FOXP1: variants seen among roughly 807,000 people sequenced by gnomAD.
FOXP1 encodes forkhead box P1.
A neutral mutation model predicts 98.2 loss-of-function variants in FOXP1; 15 were observed. That is an observed-to-expected ratio of 0.15 (90% CI 0.10 to 0.24). The LOEUF is 0.24. Among genes scored for constraint, FOXP1 ranks in the 10% least tolerant of loss-of-function variants. FOXP1 has a pLI of 1.00. For synonymous variants in FOXP1, 371 were observed against 314.5 expected (o/e 1.18, Z -1.90); for missense variants, 633 against 848.5 (o/e 0.75, Z 3.15).
chr3:71,078,366 G>A (rs1012048616), intron 7 of FOXP1, among the ~76,000 whole-genome samples: 7 of 152,098 alleles, frequency 4.6e-5, no homozygotes, highest in Admixed American at 1.3e-4. Context: ...ACCTCATCAC[G>A]TGCAAAAAGT....
intron 6 of FOXP1, among the ~76,000 whole-genome samples, chr3:71,178,755 G>A (rs1385480020): frequency 6.6e-6 from 1 of 151,880 alleles, no homozygotes; most frequent in Non-Finnish European, 1.5e-5. Flanking sequence ...AAGGTGGCAG[G>A]CGCCTGTAGT....
At chr3:71,264,359 T>C (rs948970966) in intron 5 of FOXP1, among the ~76,000 whole-genome samples, 1 of 152,124 alleles carries the variant, frequency 6.6e-6, no homozygotes, top group African/African-American at 2.4e-5. Flanking sequence ...AACACATGAA[T>C]TCACAAGACC....
chr3:71,032,737 T>C (rs988668198), intron 11 of FOXP1, among the ~76,000 whole-genome samples: 2 of 152,168 alleles, frequency 1.3e-5, no homozygotes, highest in African/African-American at 2.4e-5. Flanking sequence ...TTTGCAAATC[T>C]TGAAAAGGAA....
At chr3:71,443,194 C>T (rs1319950638) in intron 3 of FOXP1, among the ~76,000 whole-genome samples, 2 of 152,142 alleles carry the variant, frequency 1.3e-5, no homozygotes, top group Non-Finnish European at 2.9e-5. Flanking sequence ...ACGCCCGGCC[C>T]TTATTTTGTT....
At chr3:71,070,375 C>G (rs568982287) in intron 7 of FOXP1, among the ~76,000 whole-genome samples, 1 of 152,112 alleles carries the variant, frequency 6.6e-6, no homozygotes, top group Non-Finnish European at 1.5e-5. Context: ...GAGAGCATGT[C>G]GGCGCATTTT....
chr3:71,546,985 A>C (rs75351687), intron 2 of FOXP1, among the ~76,000 whole-genome samples: 59 of 152,334 alleles, frequency 3.9e-4, no homozygotes, highest in African/African-American at 1.4e-3. Flanking sequence ...GAAAGGAAGG[A>C]AGGCAATTGC....
At chr3:71,445,899 C>G (rs2086369042) in intron 3 of FOXP1, among the ~76,000 whole-genome samples, 1 of 152,154 alleles carries the variant, frequency 6.6e-6, no homozygotes, top group Non-Finnish European at 1.5e-5. Context: ...ATTGGCCAGT[C>G]TGGTCTCAAA....
At chr3:71,531,279 A>G (rs1329965793) in intron 2 of FOXP1, among the ~76,000 whole-genome samples, 3 of 152,234 alleles carry the variant, frequency 2.0e-5, no homozygotes, top group South Asian at 2.1e-4. Flanking sequence ...ACGCTGCCCA[A>G]GGTCACTCAG....
intron 20 of FOXP1, among the ~76,000 whole-genome samples, chr3:70,960,164 T>C (rs558413437): frequency 6.6e-6 from 1 of 152,284 alleles, no homozygotes; most frequent in Non-Finnish European, 1.5e-5. Flanking sequence ...ATATACATGC[T>C]TGAAACTCCA....
intron 4 of FOXP1, among the ~76,000 whole-genome samples, chr3:71,302,179 T>G (rs2073902463): frequency 6.6e-6 from 1 of 152,210 alleles, no homozygotes; most frequent in African/African-American, 2.4e-5. Flanking sequence ...CAGACATTTT[T>G]CTAGTTTTGC....
chr3:70,973,495 A>T (rs774158796), intron 17 of FOXP1, among the ~76,000 whole-genome samples: 8 of 152,146 alleles, frequency 5.3e-5, no homozygotes, highest in Admixed American at 1.3e-4. Context: ...AATTTATCAA[A>T]AAGGAGGATC....
intron 19 of FOXP1, among the ~76,000 whole-genome samples, chr3:70,967,697 T>TG (rs1329935781): frequency 8.6e-5 from 9 of 104,502 alleles, no homozygotes; most frequent in Non-Finnish European, 1.4e-4. Context: ...GTTTTTTTTT[T>TG]TTGTTTTTTT....
chr3:71,198,415 G>C (rs756466238), intron 5 of FOXP1, 23 bp from the exon 6 acceptor site: 9 of 945,562 alleles, frequency 9.5e-6, no homozygotes, highest in South Asian at 2.6e-5. Flanking sequence ...TTTCCAAGAT[G>C]GGGGGAGGGA....
At chr3:71,021,178 C>T (rs2045373870) in intron 11 of FOXP1, among the ~76,000 whole-genome samples, 1 of 152,162 alleles carries the variant, frequency 6.6e-6, no homozygotes. Flanking sequence ...AAATCCTGTA[C>T]CCATTAGCAG....
intron 2 of FOXP1, among the ~76,000 whole-genome samples, chr3:71,537,175 G>A (rs572287718): frequency 6.6e-6 from 1 of 152,182 alleles, no homozygotes; most frequent in South Asian, 2.1e-4. Context: ...CACTGCAGAC[G>A]GTTGAAATGA....
At chr3:71,484,251 C>T (rs944042362) in intron 3 of FOXP1, among the ~76,000 whole-genome samples, 4 of 152,146 alleles carry the variant, frequency 2.6e-5, no homozygotes, top group African/African-American at 9.7e-5. Flanking sequence ...AAATAATACA[C>T]GTCCCTTGAA....
At chr3:71,481,364 A>C (rs892344841) in intron 3 of FOXP1, among the ~76,000 whole-genome samples, 4 of 152,230 alleles carry the variant, frequency 2.6e-5, no homozygotes, top group African/African-American at 9.6e-5. Context: ...TTAAAGCCCA[A>C]ATTGTCTGGC....
intron 2 of FOXP1, chr3:71,572,696 AAAG>A (rs1228886556): frequency 6.6e-6 from 1 of 152,200 alleles, no homozygotes; most frequent in Non-Finnish European, 1.5e-5. Context: ...AACCTCTAGG[AAAG>A]AAGGACAGAG....
chr3:71,581,644 CG>C lies in FOXP1; in HGVS notation c.-394del, dbSNP rs1190795989. ...TCCCCGGCGCCGCTGCCGCTGCCCC[CG>C]GCCCGCTCGCTCGCTCGCCGCGCGC... On this transcript the variant is annotated 5_prime_UTR_variant, in exon 2 of 21. Coordinates refer to ENST00000649528, the MANE Select transcript of FOXP1 (RefSeq NM_001349338.3). 1.5e-5 allele frequency: 15 copies of C among 985,688 alleles called. No homozygotes were observed. Among genetic ancestry groups the C allele is most frequent in the African/African-American group, 1.7e-5 (1 of 57,226 alleles). 61.1% of individuals were successfully genotyped at this position (985,688 alleles called of 1,614,324 possible).
Sources: gnomAD v4.1 joint callset for allele counts (sites outside exome capture counted in the v4.1 genomes callset) on GRCh38, gnomAD v4.1.1 for gene constraint, MANE v1.5 for transcripts, NCBI Gene and HGNC (gene_info 2026-07-23, HGNC 2026-07-21) for gene names.